The following TANC2 variants were observed in gnomAD, a reference collection of about 807,000 sequenced individuals.
The protein encoded by TANC2 is protein TANC2.
TANC2 carries 26 observed loss-of-function variants against 210.5 expected under a neutral mutation model. The ratio of observed to expected loss-of-function variants is 0.12; its 90% CI spans 0.09 to 0.17. The LOEUF is 0.17. TANC2 is among the 10% of genes least tolerant of loss of function. The pLI is 1.00. For synonymous variants in TANC2, 931 were observed against 967.1 expected (o/e 0.96, Z 0.69); for missense variants, 2,129 against 2,608.9 (o/e 0.82, Z 4.01).
chr17:63,234,502 T>C (rs2042566962), intron 7 of TANC2, among the ~76,000 whole-genome samples: 1 of 152,206 alleles, frequency 6.6e-6, no homozygotes, highest in Non-Finnish European at 1.5e-5. Flanking sequence ...CCTTCTGTGC[T>C]GAGGGTCTCC....
chr17:63,030,368 T>C (rs2034719893), intron 2 of TANC2, among the ~76,000 whole-genome samples: 1 of 152,078 alleles, frequency 6.6e-6, no homozygotes, highest in Non-Finnish European at 1.5e-5. Context: ...ATTCTGAAGC[T>C]CAACAGCATC....
chr17:63,063,575 T>TGTGTGTGTGTGTGTGTGTGTGTGTGTAG, intron 2 of TANC2, among the ~76,000 whole-genome samples: 1 of 132,494 alleles, frequency 7.5e-6, no homozygotes, highest in Non-Finnish European at 1.6e-5. Context: ...TGTGTGTGTG[T>TGTGTGTGTGTGTGTGTGTGTGTGTGTAG]AGATATATCT....
intron 12 of TANC2, among the ~76,000 whole-genome samples, chr17:63,340,910 C>G (rs548328930): frequency 3.9e-5 from 6 of 152,284 alleles, no homozygotes; most frequent in African/African-American, 1.2e-4. Flanking sequence ...TGAGATCCAT[C>G]TCCCATTCAT....
chr17:63,005,896 TTGTGTGTGTGTGTGTGTGTGTG>T (rs56763847), intron 1 of TANC2, among the ~76,000 whole-genome samples: 6 of 132,780 alleles, frequency 4.5e-5, no homozygotes, highest in Non-Finnish European at 9.6e-5. Flanking sequence ...GCTGTATAGT[TTGTGTGTGTGTGTGTGTGTGTG>T]TGTGTGTGTG....
Position 63,370,421 on chromosome 17 carries a change from G to A in TANC2, c.2583-9297G>A, listed in dbSNP as rs569965787. Among the ~76,000 whole-genome samples the A allele has an allele frequency of 1.4e-3, 210 of 151,760 alleles. 1 individual carries two copies. Among genetic ancestry groups the A allele is most frequent in the African/African-American group, 4.3e-3 (179 of 41,364 alleles). On this transcript the variant is annotated intron_variant, in intron 14 of 27. Transcript: ENST00000689528. ...TTTCGATCTCCTGACCTCGTGATCC[G>A]CCCGCCTCGGCCTTCCACAGTGCTG...
chr17:63,413,391 T>C (rs2048763742), intron 24 of TANC2, 152 bp from the exon 25 acceptor site: 1 of 557,140 alleles, frequency 1.8e-6, no homozygotes, highest in Non-Finnish European at 3.2e-6. Flanking sequence ...TGGGAGTTAC[T>C]AAAATACTCC....
chr17:63,352,062 T>C (rs958376213), intron 13 of TANC2, among the ~76,000 whole-genome samples: 3 of 152,150 alleles, frequency 2.0e-5, no homozygotes, highest in Non-Finnish European at 4.4e-5. Flanking sequence ...GGGCTAAAGA[T>C]AAATGACTCT....
intron 9 of TANC2, among the ~76,000 whole-genome samples, chr17:63,291,115 G>A (rs916939595): frequency 2.6e-5 from 4 of 152,072 alleles, no homozygotes; most frequent in African/African-American, 9.7e-5. Context: ...GATTATAAGT[G>A]CCTTGGCTAG....
At chr17:63,209,683 T>A (rs2041828064) in intron 7 of TANC2, among the ~76,000 whole-genome samples, 2 of 152,160 alleles carry the variant, frequency 1.3e-5, no homozygotes, top group African/African-American at 4.8e-5. Context: ...TCCACCTGCC[T>A]TGGCCTCCCA....
intron 3 of TANC2, among the ~76,000 whole-genome samples, chr17:63,093,157 C>T (rs906034203): frequency 6.6e-6 from 1 of 151,902 alleles, no homozygotes; most frequent in Admixed American, 6.6e-5. Context: ...TCTACCTGAC[C>T]CAAGGTCACA....
At chr17:63,048,353 G>T (rs933980846) in intron 2 of TANC2, among the ~76,000 whole-genome samples, 1 of 152,114 alleles carries the variant, frequency 6.6e-6, no homozygotes, top group Admixed American at 6.6e-5. Flanking sequence ...AAACAAAAAG[G>T]GTTAGACAAT....
intron 3 of TANC2, among the ~76,000 whole-genome samples, chr17:63,087,404 G>T (rs975080228): frequency 1.4e-4 from 21 of 152,058 alleles, no homozygotes; most frequent in Non-Finnish European, 2.9e-4. Context: ...CTTTACCAGT[G>T]CTTCTCTGTT....
intron 2 of TANC2, among the ~76,000 whole-genome samples, chr17:63,010,275 G>A (rs575781401): frequency 1.3e-5 from 2 of 152,166 alleles, no homozygotes; most frequent in South Asian, 4.2e-4. Context: ...ATTTCAAAAT[G>A]TTTCTGTAAT....
chr17:63,314,762 A>G (rs895963137), intron 10 of TANC2, 93 bp downstream of exon 10: 24 of 1,478,702 alleles, frequency 1.6e-5, no homozygotes, highest in Middle Eastern at 3.6e-4. Flanking sequence ...TTATTTTCTC[A>G]TCTGCAAAAC....
chr17:62,971,353 A>G (rs1190985060), intron 1 of TANC2, among the ~76,000 whole-genome samples: 1 of 152,174 alleles, frequency 6.6e-6, no homozygotes, highest in Admixed American at 6.5e-5. Context: ...TTTTCAAGAC[A>G]GGATCTCACT....
rs141082468 is a variant in TANC2, at chr17:63,302,907, G to A, written c.1160-11481G>A. 6.9e-3 allele frequency among the ~76,000 whole-genome samples: 1,050 copies of A among 152,044 alleles called. 9 individuals carry two copies. Among genetic ancestry groups the A allele is most frequent in the Non-Finnish European group, 0.011 (775 of 67,972 alleles). ...GCCCCCCTAGTAGCTAGGATTACAG[G>A]CATGCGCCACCATGCCTGGCTAATT... On this transcript the variant is annotated intron_variant, in intron 9 of 27. Coordinates refer to ENST00000689528, the Ensembl canonical transcript of TANC2.
At chr17:63,415,283 C>T (rs185930989) in intron 25 of TANC2, among the ~76,000 whole-genome samples, 1 of 152,348 alleles carries the variant, frequency 6.6e-6, no homozygotes, top group East Asian at 1.9e-4. Context: ...TTTGCCAAGG[C>T]TTTGCCTCCC....
At chr17:63,070,180 G>A (rs959990841) in intron 2 of TANC2, among the ~76,000 whole-genome samples, 2 of 152,072 alleles carry the variant, frequency 1.3e-5, no homozygotes, top group Admixed American at 6.6e-5. Flanking sequence ...AGATATTGTG[G>A]TTTTCAACAA....
chr17:63,001,796 C>T (rs886583962), intron 1 of TANC2, among the ~76,000 whole-genome samples: 1 of 152,164 alleles, frequency 6.6e-6, no homozygotes, highest in African/African-American at 2.4e-5. Context: ...GATCTGCCCG[C>T]CTCTACCTCC....
Sources: gnomAD v4.1 joint callset for allele counts (sites outside exome capture counted in the v4.1 genomes callset) on GRCh38, gnomAD v4.1.1 for gene constraint, MANE v1.5 for transcripts, NCBI Gene and HGNC (gene_info 2026-07-23, HGNC 2026-07-21) for gene names.